The following FBXL5 variants were observed in gnomAD, a reference collection of about 807,000 sequenced individuals.
FBXL5 encodes the protein F-box/LRR-repeat protein 5.
In FBXL5, 26 loss-of-function variants were observed where a neutral mutation model predicts 78.3. The ratio of observed to expected loss-of-function variants is 0.33; its 90% CI spans 0.24 to 0.46. FBXL5 has a LOEUF of 0.46. Among genes scored for constraint, FBXL5 ranks in the 20% least tolerant of loss-of-function variants. The pLI, the probability that FBXL5 is intolerant of heterozygous loss-of-function variation, is 1.00. For missense variants in FBXL5, 710 were observed against 829.2 expected (o/e 0.86, Z 1.77); for synonymous variants, 295 against 282.5 (o/e 1.04, Z -0.45).
intron 9 of FBXL5, 151 bp from the exon 10 acceptor site, chr4:15,612,565 C>T (rs1722342601): frequency 3.1e-6 from 2 of 651,616 alleles, no homozygotes; most frequent in Non-Finnish European, 5.1e-6. Flanking sequence ...CTAACCTCAT[C>T]CTTAGGCAGA....
intron 1 of FBXL5, among the ~76,000 whole-genome samples, chr4:15,666,573 A>T (rs1717555500): frequency 6.6e-6 from 1 of 152,160 alleles, no homozygotes; most frequent in Non-Finnish European, 1.5e-5. Flanking sequence ...AGGTTTTGAG[A>T]TCTATTGGAC....
At position 15,644,552 on chromosome 4, in the gene FBXL5, A is replaced by C. The variant is rs368800062; in HGVS notation, c.241T>G (p.Ser81Ala). ...QRSQTIYNVH[S>A]DNKLSEMLSL... ...AGCATCTCGGAGAGTTTATTGTCAG[A>C]ATGTACATTATAAATGGTCTGGCTG... The change falls in exon 2 of 11, where the codon TCT becomes GCT. Residue 81 changes from serine (S) to alanine (A), a missense_variant. Transcript: ENST00000341285. The C allele has an allele frequency of 3.7e-6, 6 of 1,614,012 alleles. No individual in the cohort carries two copies. The highest frequency in any genetic ancestry group is 5.1e-6 in the Non-Finnish European group (6 of 1,180,002).
intron 9 of FBXL5, 113 bp from the exon 10 acceptor site, chr4:15,612,527 T>G: frequency 6.0e-6 from 6 of 993,734 alleles, no homozygotes; most frequent in Non-Finnish European, 8.7e-6. Context: ...AATGAGAAAA[T>G]TTAAGAATTT....
In FBXL5 at chr4:15,625,658, A is replaced by G. The variant is rs1220951598; in HGVS notation, c.1444T>C (p.Leu482=). 1 of 1,614,220 alleles carries G rather than the reference A, an allele frequency of 6.2e-7. No individual in the cohort carries two copies. Among genetic ancestry groups the G allele is most frequent in the Non-Finnish European group, 8.5e-7 (1 of 1,180,038 alleles). ...ENFTSPYVWM[L]DAEDLADIED... is the part of the protein sequence containing the mutation. ...ATATCAGCCAAATCTTCAGCATCTAACATCCACACATAAGGAGAAGTGAAA... is the reference window on the plus strand; with the variant it reads ...ATATCAGCCAAATCTTCAGCATCTAGCATCCACACATAAGGAGAAGTGAAA... Residue 482 remains leucine, a synonymous_variant, in exon 9 of 11, where the codon TTA becomes CTA. Transcript: ENST00000341285.
intron 5 of FBXL5, among the ~76,000 whole-genome samples, chr4:15,631,865 T>C (rs556089380): frequency 2.0e-5 from 3 of 152,312 alleles, no homozygotes; most frequent in Admixed American, 6.5e-5. Flanking sequence ...ATTCTGTAGG[T>C]TGCCTGTTCA....
Position 15,605,528 on chromosome 4 carries a change from A to G in FBXL5, c.*195T>C. On this transcript the variant is annotated 3_prime_UTR_variant, in exon 11 of 11. Coordinates refer to ENST00000341285, the MANE Select transcript of FBXL5 (RefSeq NM_012161.4). The stretch of plus-strand genomic sequence containing the variant: ...TTGAAAAGACCTAATCCCTTTCTAA[A>G]CCAAAAGTATAATTTGCAAGAGAAA... 1 of 546,248 alleles carries G rather than the reference A, an allele frequency of 1.8e-6. No individual in the cohort carries two copies. The highest frequency in any genetic ancestry group is 3.3e-6 in the Non-Finnish European group (1 of 301,138). 33.8% of individuals were successfully genotyped at this position (546,248 alleles called of 1,614,324 possible).
chr4:15,626,440 A>G (rs889461122), intron 8 of FBXL5, among the ~76,000 whole-genome samples: 1 of 152,204 alleles, frequency 6.6e-6, no homozygotes, highest in South Asian at 2.1e-4. Context: ...AGAGGGAGTG[A>G]GCAATAATAC....
intron 1 of FBXL5, among the ~76,000 whole-genome samples, chr4:15,649,175 G>C (rs2148696249): frequency 6.6e-6 from 1 of 151,594 alleles, no homozygotes; most frequent in East Asian, 1.9e-4. Context: ...AAAAAAAAAA[G>C]AGCAACAGAG....
At position 15,655,218 on chromosome 4, in the gene FBXL5, G is replaced by A. The variant is rs1404050362; in HGVS notation, c.70C>T (p.Leu24Phe). ...PHWRMKQLVG[L>F]YCDKLSKTNF... ...CGCTCCGTTACCTTGTCGCAGTAGA[G>A]CCCCACCAGCTGCTTCATCCGCCAG... is the stretch of plus-strand genomic sequence containing the variant. Residue 24 changes from leucine to phenylalanine, a missense_variant, in exon 1 of 11, where the codon CTC (leucine) becomes TTC (phenylalanine). Coordinates refer to ENST00000341285, the MANE Select transcript of FBXL5 (RefSeq NM_012161.4). 6 of 1,433,698 alleles carry A rather than the reference G, an allele frequency of 4.2e-6. No homozygotes were observed. The highest frequency in any genetic ancestry group is 5.6e-6 in the Non-Finnish European group (6 of 1,072,770). The allele number at this position is 1,433,698 out of a possible 1,614,324, so 88.8% of individuals were successfully genotyped here.
At chr4:15,640,006 C>T (rs1714682343) in intron 3 of FBXL5, among the ~76,000 whole-genome samples, 1 of 152,096 alleles carries the variant, frequency 6.6e-6, no homozygotes, top group South Asian at 2.1e-4. Context: ...CAATGATACC[C>T]TAATACATGT....
At chr4:15,670,437 T>A (rs917064616) in intron 1 of FBXL5, among the ~76,000 whole-genome samples, 1 of 152,258 alleles carries the variant, frequency 6.6e-6, no homozygotes, top group Non-Finnish European at 1.5e-5. Context: ...AGATTCCAGC[T>A]TTAATTGGTG....
At chr4:15,679,311 C>A (rs1718112641) in intron 1 of FBXL5, among the ~76,000 whole-genome samples, 1 of 152,118 alleles carries the variant, frequency 6.6e-6, no homozygotes, top group African/African-American at 2.4e-5. Flanking sequence ...TTCGGCCTCT[C>A]AAAGTGCTGG....
At chr4:15,612,150 A>C (rs1230015976) in intron 10 of FBXL5, 116 bp downstream of exon 10, 1 of 786,396 alleles carries the variant, frequency 1.3e-6, no homozygotes, top group Non-Finnish European at 1.9e-6. Flanking sequence ...TAAATCTGAA[A>C]GTAAGATAGT....
chr4:15,624,904 C>A (rs1336197314), intron 9 of FBXL5, among the ~76,000 whole-genome samples: 2 of 152,208 alleles, frequency 1.3e-5, no homozygotes, highest in Non-Finnish European at 2.9e-5. Context: ...TAATACACAG[C>A]AACAGAATAT....
chr4:15,672,542 CA>C (rs1286910171), intron 1 of FBXL5, among the ~76,000 whole-genome samples: 1 of 152,090 alleles, frequency 6.6e-6, no homozygotes. Flanking sequence ...TGTATCTAAA[CA>C]TAGAAAAGTT....
At chr4:15,666,023 TAAA>T (rs201861584) in intron 1 of FBXL5, among the ~76,000 whole-genome samples, 22 of 148,260 alleles carry the variant, frequency 1.5e-4, no homozygotes, top group African/African-American at 5.5e-4. Context: ...AACCTTTTTT[TAAA>T]AAAAAAAAAA....
At chr4:15,679,124 G>A (rs1718103239) in intron 1 of FBXL5, among the ~76,000 whole-genome samples, 2 of 146,436 alleles carry the variant, frequency 1.4e-5, no homozygotes, top group South Asian at 2.1e-4. Flanking sequence ...GTGCAGCGGC[G>A]TGATCTCGGC....
At chr4:15,640,199 C>A (rs1714706987) in intron 3 of FBXL5, among the ~76,000 whole-genome samples, 1 of 151,934 alleles carries the variant, frequency 6.6e-6, no homozygotes, top group South Asian at 2.1e-4. Flanking sequence ...TGCCACCATG[C>A]CCAGCTGATT....
At chr4:15,676,411 T>C (rs1717992591) in intron 1 of FBXL5, among the ~76,000 whole-genome samples, 2 of 152,168 alleles carry the variant, frequency 1.3e-5, no homozygotes, top group South Asian at 4.1e-4. Flanking sequence ...ATCAGACAAA[T>C]GACCTAATCT....
Sources: allele counts gnomAD v4.1 joint callset (sites outside exome capture counted in the v4.1 genomes callset), GRCh38; gene constraint gnomAD v4.1.1; transcripts MANE v1.5; gene names NCBI Gene and HGNC (gene_info 2026-07-23, HGNC 2026-07-21).